PALM2AKAP2: variants seen among roughly 807,000 people sequenced by gnomAD.
PALM2AKAP2 encodes PALM2 and AKAP2 fusion, also known as PALM2-AKAP2 fusion protein.
PALM2AKAP2 carries 37 observed loss-of-function variants against 71.5 expected under a neutral mutation model. The observed-to-expected ratio is 0.52, with a 90% CI of 0.40 to 0.68. PALM2AKAP2 has a LOEUF of 0.68. Among genes scored for constraint, PALM2AKAP2 ranks in the 30% least tolerant of loss-of-function variants. The pLI, the probability that PALM2AKAP2 is intolerant of heterozygous loss-of-function variation, is 0.00. For missense variants in PALM2AKAP2, 1,224 were observed against 1,191.8 expected (o/e 1.03, Z -0.40); for synonymous variants, 468 against 478.8 (o/e 0.98, Z 0.29).
chr9:109,671,165 A>C (rs534126255), intron 1 of PALM2AKAP2, among the ~76,000 whole-genome samples: 1 of 151,060 alleles, frequency 6.6e-6, no homozygotes, highest in Non-Finnish European at 1.5e-5. Context: ...TGTTGTCTTC[A>C]TCATAAAATC....
chr9:109,840,145 A>G (rs1281743867), intron 1 of PALM2AKAP2, among the ~76,000 whole-genome samples: 1 of 152,172 alleles, frequency 6.6e-6, no homozygotes, highest in Non-Finnish European at 1.5e-5. Flanking sequence ...CAAAACAGCA[A>G]TGGTACTGGT....
intron 2 of PALM2AKAP2, among the ~76,000 whole-genome samples, chr9:109,870,960 T>C (rs1185679103): frequency 6.6e-6 from 1 of 152,244 alleles, no homozygotes; most frequent in African/African-American, 2.4e-5. Context: ...TTAGAGTTAG[T>C]TGTCATGTTT....
At chr9:109,656,019 G>A (rs1372286885) in intron 1 of PALM2AKAP2, among the ~76,000 whole-genome samples, 1 of 152,200 alleles carries the variant, frequency 6.6e-6, no homozygotes, top group African/African-American at 2.4e-5. Context: ...TGAGGAAATG[G>A]ACAGCATCCC....
intron 5 of PALM2AKAP2, among the ~76,000 whole-genome samples, chr9:109,929,165 A>G (rs953654863): frequency 4.1e-5 from 6 of 147,734 alleles, no homozygotes; most frequent in African/African-American, 1.5e-4. Flanking sequence ...CCTGTCTGTA[A>G]GTAGTTTTTT....
At chr9:110,083,598 A>C (rs2118719143) in intron 1 of PALM2AKAP2, among the ~76,000 whole-genome samples, 1 of 152,088 alleles carries the variant, frequency 6.6e-6, no homozygotes, top group African/African-American at 2.4e-5. Context: ...TTTCCTACTT[A>C]TCTGTCTGCT....
intron 1 of PALM2AKAP2, among the ~76,000 whole-genome samples, chr9:110,062,474 A>C (rs1471535558): frequency 1.3e-5 from 2 of 152,152 alleles, no homozygotes; most frequent in Admixed American, 1.3e-4. Flanking sequence ...GTACCACATA[A>C]AAAATAGCAT....
chr9:109,729,721 A>G (rs545193416), intron 1 of PALM2AKAP2, among the ~76,000 whole-genome samples: 1 of 152,288 alleles, frequency 6.6e-6, no homozygotes, highest in South Asian at 2.1e-4. Flanking sequence ...AGAATGCAGG[A>G]TGGTTCCTAG....
chr9:110,156,173 A>G (rs1183931651), intron 2 of PALM2AKAP2, 146 bp from the exon 9 acceptor site: 12 of 1,186,910 alleles, frequency 1.0e-5, no homozygotes, highest in Non-Finnish European at 1.2e-5. Context: ...GATCCCTGTA[A>G]TATAATAAAA....
chr9:110,171,165 A>G (rs1277052583), exon 4 of PALM2AKAP2: 4 of 152,236 alleles, frequency 2.6e-5, no homozygotes, highest in Admixed American at 6.5e-5. Flanking sequence ...GAGAATGTAC[A>G]GCTAAGAGAA....
intron 6 of PALM2AKAP2, among the ~76,000 whole-genome samples, chr9:110,014,800 AAAAATGTATATATATATATATAT>A (rs1832944220): frequency 1.9e-5 from 1 of 51,702 alleles, no homozygotes; most frequent in African/African-American, 7.3e-5. Context: ...AAAAAAAAAA[AAAAATGTATATATATATATATAT>A]ATATATATAT....
At chr9:109,912,269 T>C (rs1830587595) in intron 3 of PALM2AKAP2, among the ~76,000 whole-genome samples, 1 of 151,878 alleles carries the variant, frequency 6.6e-6, no homozygotes, top group African/African-American at 2.4e-5. Context: ...AAGGGACCCT[T>C]GTCTTCTCTG....
At chr9:109,929,017 G>A (rs1192757497) in intron 5 of PALM2AKAP2, among the ~76,000 whole-genome samples, 2 of 152,078 alleles carry the variant, frequency 1.3e-5, no homozygotes, top group Non-Finnish European at 2.9e-5. Context: ...TCTAAGTGCT[G>A]TAGACTTCAA....
At chr9:110,025,333 C>G (rs10980150) in intron 7 of PALM2AKAP2, 10 of 1,183,728 alleles carry the variant, frequency 8.4e-6, no homozygotes, top group Non-Finnish European at 1.2e-5. Context: ...TCGGGAGCCT[C>G]TCCTCTTTCC....
intron 7 of PALM2AKAP2, among the ~76,000 whole-genome samples, chr9:110,041,663 G>C (rs1474854917): frequency 6.6e-6 from 1 of 152,130 alleles, no homozygotes; most frequent in Non-Finnish European, 1.5e-5. Context: ...AGGAAATAAA[G>C]GAAAAGCAGG....
chr9:110,134,926 C>A (rs1162216624), intron 1 of PALM2AKAP2, among the ~76,000 whole-genome samples: 1 of 151,512 alleles, frequency 6.6e-6, no homozygotes, highest in Non-Finnish European at 1.5e-5. Flanking sequence ...AAGCCAGAGT[C>A]CTTTGATATG....
intron 1 of PALM2AKAP2, among the ~76,000 whole-genome samples, chr9:109,847,200 T>C (rs1278718265): frequency 6.6e-6 from 1 of 152,158 alleles, no homozygotes; most frequent in Non-Finnish European, 1.5e-5. Flanking sequence ...AGGTGGGCCT[T>C]AAATGCAATG....
chr9:109,934,402 A>G (rs1831176883), intron 6 of PALM2AKAP2, among the ~76,000 whole-genome samples: 1 of 152,124 alleles, frequency 6.6e-6, no homozygotes, highest in African/African-American at 2.4e-5. Flanking sequence ...TTTCCCTTCA[A>G]GTGTAGAAAG....
rs1440326023 is a variant in PALM2AKAP2, at chr9:109,825,807, G to A, written c.46-41684G>A. On this transcript the variant is annotated intron_variant, in intron 1 of 9. Transcript: ENST00000302798. ...CAACCATTGTGGAAGACAGTGTGGC[G>A]ATTCCTCAGGGATCTAGAACTAGAA... Among the ~76,000 whole-genome samples the A allele has an allele frequency of 3.3e-5, 5 of 152,304 alleles. No individual in the cohort carries two copies. The East Asian group carries it at 5.8e-4, about 18-fold the overall frequency.
chr9:110,002,363 C>T (rs1832697342), intron 6 of PALM2AKAP2, among the ~76,000 whole-genome samples: 1 of 151,840 alleles, frequency 6.6e-6, no homozygotes, highest in Admixed American at 6.6e-5. Context: ...AGGGATGAAG[C>T]CCACTTGATC....
Sources: gnomAD v4.1 joint callset for allele counts (sites outside exome capture counted in the v4.1 genomes callset) on GRCh38, gnomAD v4.1.1 for gene constraint, MANE v1.5 for transcripts, NCBI Gene and HGNC (gene_info 2026-07-23, HGNC 2026-07-21) for gene names.